CCDC171: variants seen among roughly 807,000 people sequenced by gnomAD.
CCDC171 encodes the protein coiled-coil domain-containing protein 171.
CCDC171 carries 177 observed loss-of-function variants against 168.2 expected under a neutral mutation model. The ratio of observed to expected loss-of-function variants is 1.05; its 90% CI spans 0.93 to 1.19. The LOEUF (loss-of-function observed/expected upper bound fraction) is 1.19. Ranked by LOEUF, CCDC171 falls within the 50% of genes most tolerant of loss-of-function variation. The pLI, the probability that CCDC171 is intolerant of heterozygous loss-of-function variation, is 0.00. For missense variants in CCDC171, 1,991 were observed against 1,539.0 expected, an observed-to-expected ratio of 1.29 and a Z score of -4.91; for synonymous variants, 687 against 540.8, an observed-to-expected ratio of 1.27 and a Z score of -3.75.
intron 7 of CCDC171, among the ~76,000 whole-genome samples, 190 bp downstream of exon 7, chr9:15,623,603 T>G (rs1241519632): frequency 7.9e-5 from 12 of 152,070 alleles, no homozygotes; most frequent in Admixed American, 7.9e-4. Context: ...TATATTTGGC[T>G]TCTTTGAAAA....
intron 1 of CCDC171, among the ~76,000 whole-genome samples, chr9:16,058,006 G>A (rs887997165): frequency 6.6e-6 from 1 of 151,226 alleles, no homozygotes; most frequent in Non-Finnish European, 1.5e-5. Context: ...TTGGTTCAAG[G>A]TCTAGGGGAG....
chr9:15,752,942 C>T (rs1271185675), intron 18 of CCDC171, among the ~76,000 whole-genome samples: 1 of 151,856 alleles, frequency 6.6e-6, no homozygotes, highest in Non-Finnish European at 1.5e-5. Context: ...GTAAGTATGA[C>T]GCTTAAAAGT....
chr9:15,748,291 T>G (rs940121602), intron 18 of CCDC171, among the ~76,000 whole-genome samples: 40 of 151,912 alleles, frequency 2.6e-4, no homozygotes, highest in Non-Finnish European at 5.3e-4. Flanking sequence ...GTAAAAAAAA[T>G]GAACAAAGCC....
chr9:15,968,304 A>G (rs1378737431), intron 25 of CCDC171, among the ~76,000 whole-genome samples: 1 of 152,210 alleles, frequency 6.6e-6, no homozygotes, highest in Non-Finnish European at 1.5e-5. Context: ...TTATATGACC[A>G]TGGACTTTAC....
chr9:16,025,186 A>G (rs1250423331), intron 6 of CCDC171, among the ~76,000 whole-genome samples: 1 of 152,230 alleles, frequency 6.6e-6, no homozygotes, highest in African/African-American at 2.4e-5. Flanking sequence ...TCACACCTGT[A>G]ATCTCAGCAC....
intron 24 of CCDC171, among the ~76,000 whole-genome samples, chr9:15,914,394 A>G (rs1368801303): frequency 6.6e-6 from 1 of 152,118 alleles, no homozygotes; most frequent in Non-Finnish European, 1.5e-5. Context: ...GCTTTGCTGA[A>G]CTGCAGTGGG....
intron 21 of CCDC171, among the ~76,000 whole-genome samples, chr9:15,789,396 C>T (rs553466290): frequency 2.6e-5 from 4 of 152,252 alleles, no homozygotes; most frequent in South Asian, 2.1e-4. Context: ...TTGGGTTCCA[C>T]CAGCAGATAG....
At chr9:16,094,188 G>A in the CCDC171 span, among the ~76,000 whole-genome samples, 1 of 152,170 alleles carries the variant, frequency 6.6e-6, no homozygotes, top group Non-Finnish European at 1.5e-5. Flanking sequence ...AAAGCGGGGT[G>A]GGCCCCAGCT....
chr9:15,916,289 A>G (rs1007822084), intron 24 of CCDC171, among the ~76,000 whole-genome samples: 4 of 151,972 alleles, frequency 2.6e-5, no homozygotes, highest in African/African-American at 9.7e-5. Flanking sequence ...CATTTCATGT[A>G]TTAATACTCA....
At chr9:15,731,196 T>G (rs2054128797) in intron 16 of CCDC171, among the ~76,000 whole-genome samples, 1 of 152,072 alleles carries the variant, frequency 6.6e-6, no homozygotes, top group African/African-American at 2.4e-5. Context: ...ATTGTACCCT[T>G]TAACCTACCT....
intron 17 of CCDC171, among the ~76,000 whole-genome samples, chr9:15,745,138 C>T (rs974424820): frequency 6.6e-6 from 1 of 152,056 alleles, no homozygotes; most frequent in African/African-American, 2.4e-5. Context: ...TTTTCAGTTT[C>T]TATGAATAAG....
chr9:16,094,976 TAGCACCTGGC>T, the CCDC171 span, among the ~76,000 whole-genome samples: 7 of 152,218 alleles, frequency 4.6e-5, no homozygotes, highest in Admixed American at 3.3e-4. Flanking sequence ...TTTAAGTGGG[TAGCACCTGGC>T]CCATCTCCTC....
At chr9:15,824,990 T>G (rs1321081089) in intron 21 of CCDC171, among the ~76,000 whole-genome samples, 1 of 152,084 alleles carries the variant, frequency 6.6e-6, no homozygotes, top group East Asian at 1.9e-4. Flanking sequence ...AGAAGTAATA[T>G]TATTGAAGAG....
intron 11 of CCDC171, among the ~76,000 whole-genome samples, chr9:15,716,126 A>G (rs1050480342): frequency 1.3e-5 from 2 of 152,146 alleles, no homozygotes; most frequent in African/African-American, 4.8e-5. Context: ...GGTAACCTCC[A>G]TTCTACTTTT....
intron 14 of CCDC171, among the ~76,000 whole-genome samples, chr9:15,725,545 G>C (rs1289208968): frequency 6.6e-6 from 1 of 152,076 alleles, no homozygotes; most frequent in Non-Finnish European, 1.5e-5. Context: ...CACCTCCCAG[G>C]TTCAAGCGAT....
At chr9:16,076,464 C>G in the CCDC171 span, among the ~76,000 whole-genome samples, 6 of 152,208 alleles carry the variant, frequency 3.9e-5, no homozygotes, top group Non-Finnish European at 7.3e-5. Context: ...GCCGGAAGCC[C>G]AGGCTTGCTT....
At chr9:16,080,618 G>C in the CCDC171 span, among the ~76,000 whole-genome samples, 1 of 152,294 alleles carries the variant, frequency 6.6e-6, no homozygotes, top group South Asian at 2.1e-4. Flanking sequence ...TCTTTCGTGA[G>C]ATCTTGGAAG....
intron 3 of CCDC171, among the ~76,000 whole-genome samples, chr9:15,996,444 G>T (rs73645211): frequency 5.2e-5 from 7 of 135,886 alleles, no homozygotes; most frequent in Admixed American, 1.5e-4. Flanking sequence ...TTTTTTTTGC[G>T]GGGGGCGGAC....
At chr9:15,890,196 G>C (rs539485001) in intron 24 of CCDC171, among the ~76,000 whole-genome samples, 3 of 151,290 alleles carry the variant, frequency 2.0e-5, no homozygotes, top group Non-Finnish European at 4.4e-5. Flanking sequence ...GAGAGAATGT[G>C]AAATTTAATA....
Sources: allele counts gnomAD v4.1 joint callset (sites outside exome capture counted in the v4.1 genomes callset), GRCh38; gene constraint gnomAD v4.1.1; transcripts MANE v1.5; gene names NCBI Gene and HGNC (gene_info 2026-07-23, HGNC 2026-07-21).